ZNF93: variants seen among roughly 807,000 people sequenced by gnomAD.
The protein encoded by ZNF93 is zinc finger protein 93.
A neutral mutation model predicts 45.0 loss-of-function variants in ZNF93; 29 were observed. The observed-to-expected ratio is 0.64, with a 90% CI of 0.48 to 0.88. ZNF93 has a LOEUF of 0.88. ZNF93 is among the 40% of genes least tolerant of loss of function. The pLI, the probability that ZNF93 is intolerant of heterozygous loss-of-function variation, is 0.00. For synonymous variants in ZNF93, 223 were observed against 244.6 expected (o/e 0.91, Z 0.82); for missense variants, 578 against 724.0 (o/e 0.80, Z 2.31).
chr19:19,933,072 T>A, intron 3 of ZNF93, 110 bp from the exon 4 acceptor site: 1 of 871,700 alleles, frequency 1.1e-6, no homozygotes, highest in Non-Finnish European at 1.6e-6. Context: ...TGTGGTATTT[T>A]ACTATGTCAT....
At chr19:19,916,427 A>G in intron 2 of ZNF93, 133 bp from the exon 3 acceptor site, 1 of 724,510 alleles carries the variant, frequency 1.4e-6, no homozygotes. Context: ...ATATCTATAA[A>G]TTTCTGTTAT....
intron 3 of ZNF93, chr19:19,931,962 C>A: frequency 2.6e-6 from 1 of 381,436 alleles, no homozygotes; most frequent in Non-Finnish European, 5.1e-6. Context: ...CTATATTTTC[C>A]AGTTTGTTAT....
chr19:19,924,161 C>G (rs1277766176), intron 3 of ZNF93, among the ~76,000 whole-genome samples: 1 of 152,096 alleles, frequency 6.6e-6, no homozygotes, highest in Non-Finnish European at 1.5e-5. Context: ...GATTTCGGCT[C>G]ACTGCAACCT....
At chr19:19,916,429 T>C (rs1302283825) in intron 2 of ZNF93, 131 bp from the exon 3 acceptor site, 9 of 733,502 alleles carry the variant, frequency 1.2e-5, no homozygotes, top group Non-Finnish European at 2.0e-5. Flanking sequence ...ATCTATAAAT[T>C]TCTGTTATAA....
In ZNF93 at chr19:19,933,961, A is replaced by G; in HGVS notation, c.1006A>G (p.Thr336Ala). Reference sequence around the variant, plus strand: ...CCTTACTACACATAAGAGAATTCATACTGGAGAGAAACCATACAAGTGTAA... The same window carrying G: ...CCTTACTACACATAAGAGAATTCATGCTGGAGAGAAACCATACAAGTGTAA... ...RILTTHKRIH[T>A]GEKPYKCNKC... Residue 336 changes from threonine (T) to alanine (A), a missense_variant, in exon 4 of 4, where the codon ACT becomes GCT. Thr to Ala is a moderately conservative substitution (Grantham distance 58, BLOSUM62 0). Coordinates refer to ENST00000343769, the MANE Select transcript of ZNF93 (RefSeq NM_031218.4). The G allele has an allele frequency of 6.2e-7, 1 of 1,612,620 alleles. No homozygotes were observed. The highest frequency in any genetic ancestry group is 1.1e-5 in the South Asian group (1 of 90,958).
intron 1 of ZNF93, among the ~76,000 whole-genome samples, chr19:19,904,807 A>T (rs2063287746): frequency 6.6e-6 from 1 of 152,174 alleles, no homozygotes; most frequent in Admixed American, 6.5e-5. Flanking sequence ...CTGAAAACTT[A>T]GAGAAAATGA....
At chr19:19,913,879 A>C (rs2063316506) in intron 1 of ZNF93, among the ~76,000 whole-genome samples, 2 of 151,966 alleles carry the variant, frequency 1.3e-5, no homozygotes, top group Admixed American at 6.5e-5. Context: ...AGCTGTGTCC[A>C]CTCTGCCTCC....
intron 1 of ZNF93, among the ~76,000 whole-genome samples, chr19:19,906,925 C>T (rs2063294537): frequency 6.7e-6 from 1 of 148,610 alleles, no homozygotes; most frequent in South Asian, 2.2e-4. Flanking sequence ...CTGCTTTTTC[C>T]CCCATAAAGA....
At position 19,933,790 on chromosome 19, in the gene ZNF93, C is replaced by A. The variant is rs1252899742; in HGVS notation, c.835C>A (p.His279Asn). The stretch of plus-strand genomic sequence containing the variant: ...GACACTTACTAAACATAAGAAAATT[C>A]ATACTGGAGAGAAACCCTACAAATG... Reference protein sequence around the residue: ...SSTLTKHKKIHTGEKPYKCEE... With the variant: ...SSTLTKHKKINTGEKPYKCEE... The change falls in exon 4 of 4, where the codon CAT becomes AAT. Residue 279 changes from histidine (H) to asparagine (N), a missense_variant. By Grantham distance (68) the His-to-Asn change is moderately conservative (BLOSUM62 1). Transcript: ENST00000343769. The A allele has an allele frequency of 6.2e-7, 1 of 1,612,898 alleles. No homozygotes were observed. Among genetic ancestry groups the A allele is most frequent in the Non-Finnish European group, 8.5e-7 (1 of 1,179,278 alleles).
chr19:19,923,892 C>T (rs541751855), intron 3 of ZNF93, among the ~76,000 whole-genome samples: 3 of 152,150 alleles, frequency 2.0e-5, no homozygotes, highest in Non-Finnish European at 2.9e-5. Flanking sequence ...CGCCCTGCTT[C>T]GGCTCACACT....
intron 1 of ZNF93, among the ~76,000 whole-genome samples, chr19:19,909,699 GA>G (rs1488084755): frequency 6.6e-6 from 1 of 152,164 alleles, no homozygotes; most frequent in Non-Finnish European, 1.5e-5. Context: ...TGAAAATAGA[GA>G]AAATTTTTCT....
chr19:19,928,938 G>C (rs2063364046), intron 3 of ZNF93, among the ~76,000 whole-genome samples: 1 of 152,142 alleles, frequency 6.6e-6, no homozygotes, highest in South Asian at 2.1e-4. Context: ...AAGCCTAGTT[G>C]GTCTATAATA....
chr19:19,915,321 G>A lies in ZNF93; in HGVS notation c.45G>A (p.Leu15=), dbSNP rs774635438. 1 of 1,614,054 alleles carries A rather than the reference G, an allele frequency of 6.2e-7. No individual in the cohort carries two copies. Among genetic ancestry groups the A allele is most frequent in the Non-Finnish European group, 8.5e-7 (1 of 1,179,968 alleles). The change falls in exon 2 of 4, where the codon CTG becomes CTA. Residue 15 remains leucine, a synonymous_variant. Coordinates refer to ENST00000343769, the MANE Select transcript of ZNF93 (RefSeq NM_031218.4). Reference sequence around the variant, plus strand: ...GAGATGTGGCCATAGAATTCTCTCTGGAGGAGTGGCATTGCCTGGACACTG... The same window carrying A: ...GAGATGTGGCCATAGAATTCTCTCTAGAGGAGTGGCATTGCCTGGACACTG... ...QFRDVAIEFS[L]EEWHCLDTAQ...
At chr19:19,903,257 G>A (rs772255280) in intron 1 of ZNF93, among the ~76,000 whole-genome samples, 6 of 152,124 alleles carry the variant, frequency 3.9e-5, no homozygotes, top group Admixed American at 1.3e-4. Context: ...GAAAGGAGGT[G>A]GGAGGGGAAT....
intron 3 of ZNF93, among the ~76,000 whole-genome samples, chr19:19,917,690 A>T (rs970237978): frequency 1.3e-5 from 2 of 151,934 alleles, no homozygotes; most frequent in African/African-American, 2.4e-5. Context: ...CTAATTTTGT[A>T]TTTTTAGTAG....
intron 2 of ZNF93, 106 bp from the exon 3 acceptor site, chr19:19,916,454 A>G: frequency 3.5e-6 from 3 of 869,540 alleles, no homozygotes; most frequent in African/African-American, 1.8e-5. Flanking sequence ...GTATTTTGGT[A>G]TTAATTTACT....
intron 3 of ZNF93, among the ~76,000 whole-genome samples, chr19:19,921,866 T>C (rs57743958): frequency 0.28 from 42,460 of 151,798 alleles, 11,885 homozygotes; most frequent in African/African-American, 0.72. Context: ...TTCCTGAATA[T>C]AGCACACTGA....
intron 1 of ZNF93, chr19:19,909,048 A>C (rs1353922363): frequency 6.6e-6 from 1 of 152,246 alleles, no homozygotes; most frequent in Non-Finnish European, 1.5e-5. Context: ...CATCATTATA[A>C]GTAGAAACTG....
intron 1 of ZNF93, among the ~76,000 whole-genome samples, chr19:19,903,780 A>G (rs1302906427): frequency 6.6e-6 from 1 of 151,518 alleles, no homozygotes; most frequent in Non-Finnish European, 1.5e-5. Flanking sequence ...AACAGAAAAA[A>G]ATATTTCAGG....
Sources: gnomAD v4.1 joint callset for allele counts (sites outside exome capture counted in the v4.1 genomes callset) on GRCh38, gnomAD v4.1.1 for gene constraint, MANE v1.5 for transcripts, NCBI Gene and HGNC (gene_info 2026-07-23, HGNC 2026-07-21) for gene names.